The following CDH12 variants were observed in gnomAD, a reference collection of about 807,000 sequenced individuals.
CDH12 encodes the protein cadherin 12, also known as cadherin-12.
In CDH12, 41 loss-of-function variants were observed where a neutral mutation model predicts 74.1. The observed-to-expected ratio is 0.55, with a 90% CI of 0.43 to 0.72. The LOEUF (loss-of-function observed/expected upper bound fraction) is 0.72, where lower values mean the gene tolerates loss of function less well. Ranked by LOEUF, CDH12 falls within the 30% of genes least tolerant of loss-of-function variation. CDH12 has a pLI of 0.00. For synonymous variants in CDH12, 399 were observed against 355.0 expected (o/e 1.12, Z -1.39); for missense variants, 945 against 977.2 (o/e 0.97, Z 0.44).
intron 1 of CDH12, among the ~76,000 whole-genome samples, chr5:22,754,646 C>T (rs540643941): frequency 9.2e-4 from 139 of 150,914 alleles, no homozygotes; most frequent in African/African-American, 2.8e-3. Context: ...GGACTGAAAG[C>T]AGAGACATAA....
intron 3 of CDH12, among the ~76,000 whole-genome samples, chr5:22,385,306 T>C (rs1198893056): frequency 6.6e-6 from 1 of 152,188 alleles, no homozygotes; most frequent in African/African-American, 2.4e-5. Flanking sequence ...TTCTAAATAG[T>C]TATCCATATG....
At chr5:22,682,132 A>G (rs1413939418) in intron 1 of CDH12, among the ~76,000 whole-genome samples, 1 of 152,068 alleles carries the variant, frequency 6.6e-6, no homozygotes, top group Non-Finnish European at 1.5e-5. Context: ...CCTGGCACAT[A>G]TGTAATCTGG....
intron 2 of CDH12, among the ~76,000 whole-genome samples, chr5:22,442,201 A>T (rs947165785): frequency 3.9e-5 from 6 of 152,232 alleles, no homozygotes; most frequent in Admixed American, 6.5e-5. Flanking sequence ...TGTATTTATA[A>T]GCATTAGTAT....
chr5:22,436,866 A>G (rs191473794), intron 2 of CDH12, among the ~76,000 whole-genome samples: 1 of 152,284 alleles, frequency 6.6e-6, no homozygotes, highest in Admixed American at 6.5e-5. Flanking sequence ...ACTCAGCACA[A>G]CAAAGAACAA....
At chr5:22,833,367 T>C (rs1736699966) in intron 1 of CDH12, among the ~76,000 whole-genome samples, 1 of 152,190 alleles carries the variant, frequency 6.6e-6, no homozygotes, top group Non-Finnish European at 1.5e-5. Flanking sequence ...TCAGTGAAGA[T>C]GCCTTACAGC....
At chr5:21,883,878 G>C (rs1752490443) in intron 6 of CDH12, 14 of 1,606,798 alleles carry the variant, frequency 8.7e-6, no homozygotes, top group Non-Finnish European at 1.2e-5. Context: ...TGCTACAAGA[G>C]CTGCTGTTGA....
At chr5:22,126,649 A>G (rs1054589287) in intron 4 of CDH12, among the ~76,000 whole-genome samples, 8 of 152,174 alleles carry the variant, frequency 5.3e-5, no homozygotes, top group African/African-American at 1.7e-4. Context: ...TATATATTTG[A>G]TATACTTCCA....
intron 1 of CDH12, among the ~76,000 whole-genome samples, chr5:22,594,063 G>T (rs1298689535): frequency 6.6e-6 from 1 of 152,162 alleles, no homozygotes. Context: ...AACCCATGTG[G>T]TCTAAAAGAC....
At chr5:21,967,218 A>C (rs1756625024) in intron 6 of CDH12, among the ~76,000 whole-genome samples, 1 of 152,160 alleles carries the variant, frequency 6.6e-6, no homozygotes, top group Non-Finnish European at 1.5e-5. Context: ...GGTTTTACGG[A>C]GGTGCAACTG....
intron 9 of CDH12, among the ~76,000 whole-genome samples, chr5:21,808,335 T>C (rs1747551261): frequency 6.6e-6 from 1 of 152,052 alleles, no homozygotes; most frequent in African/African-American, 2.4e-5. Flanking sequence ...TTTTTACTTT[T>C]TACTCTTCTG....
chr5:22,318,339 T>A (rs894019059), intron 3 of CDH12, among the ~76,000 whole-genome samples: 6 of 152,172 alleles, frequency 3.9e-5, no homozygotes, highest in African/African-American at 1.2e-4. Context: ...AGCTCCTGAC[T>A]TTTTGCTTCC....
At chr5:22,468,679 A>G (rs1433006416) in intron 2 of CDH12, among the ~76,000 whole-genome samples, 1 of 152,116 alleles carries the variant, frequency 6.6e-6, no homozygotes, top group Non-Finnish European at 1.5e-5. Flanking sequence ...TTTTTATCTT[A>G]ATTATTGTTA....
chr5:22,587,892 CAT>C (rs1318989330), intron 1 of CDH12, among the ~76,000 whole-genome samples: 1 of 147,970 alleles, frequency 6.8e-6, no homozygotes, highest in Non-Finnish European at 1.5e-5. Context: ...TATAAATCCA[CAT>C]ATATATTGTG....
chr5:21,918,363 A>G (rs984170860), intron 6 of CDH12, among the ~76,000 whole-genome samples: 9 of 151,972 alleles, frequency 5.9e-5, no homozygotes, highest in African/African-American at 2.2e-4. Context: ...TCCAAAGCAT[A>G]TTTTTGTCTA....
chr5:22,021,772 T>C (rs1737997127), intron 5 of CDH12, among the ~76,000 whole-genome samples: 1 of 152,216 alleles, frequency 6.6e-6, no homozygotes, highest in African/African-American at 2.4e-5. Flanking sequence ...CAATCCTAAA[T>C]GCAGCTAGAA....
chr5:22,320,177 T>C (rs1193544587), intron 3 of CDH12, among the ~76,000 whole-genome samples: 4 of 151,990 alleles, frequency 2.6e-5, no homozygotes, highest in African/African-American at 9.7e-5. Context: ...AACTAGAGAG[T>C]AGGACAAACA....
intron 1 of CDH12, among the ~76,000 whole-genome samples, chr5:22,565,689 A>G (rs1010348581): frequency 1.3e-5 from 2 of 152,140 alleles, no homozygotes; most frequent in African/African-American, 4.8e-5. Flanking sequence ...ATATGACAAC[A>G]TATTGATTCA....
chr5:22,100,678 CACACACACAT>C (rs1265776167), intron 4 of CDH12, among the ~76,000 whole-genome samples: 2 of 151,682 alleles, frequency 1.3e-5, no homozygotes, highest in African/African-American at 4.8e-5. Flanking sequence ...CACACACACA[CACACACACAT>C]ACACTCTTTT....
intron 1 of CDH12, among the ~76,000 whole-genome samples, chr5:22,753,869 A>C (rs1745738357): frequency 1.3e-5 from 2 of 152,138 alleles, no homozygotes; most frequent in Admixed American, 1.3e-4. Context: ...TTGCTAACAA[A>C]AACCAAAGAA....
Sources: gnomAD v4.1 joint callset for allele counts (sites outside exome capture counted in the v4.1 genomes callset) on GRCh38, gnomAD v4.1.1 for gene constraint, MANE v1.5 for transcripts, NCBI Gene and HGNC (gene_info 2026-07-23, HGNC 2026-07-21) for gene names.